The following PSMD1 variants were observed in gnomAD, a reference collection of about 807,000 sequenced individuals.
PSMD1 encodes 26S proteasome non-ATPase regulatory subunit 1.
PSMD1 carries 18 observed loss-of-function variants against 119.0 expected under a neutral mutation model. The observed-to-expected ratio is 0.15, with a 90% confidence interval of 0.10 to 0.22. PSMD1 has a LOEUF of 0.22. Ranked by LOEUF, PSMD1 falls within the 10% of genes least tolerant of loss-of-function variation. The pLI is 1.00. For synonymous variants in PSMD1, 374 were observed against 396.6 expected, an observed-to-expected ratio of 0.94 and a Z score of 0.68; for missense variants, 702 against 1,158.5, an observed-to-expected ratio of 0.61 and a Z score of 5.72.
chr2:231,137,529 T>C (rs1696003486), intron 16 of PSMD1, among the ~76,000 whole-genome samples: 2 of 152,302 alleles, frequency 1.3e-5, no homozygotes, highest in South Asian at 4.1e-4. Context: ...GTTTCTTTTT[T>C]TTCTTTCTTT....
intron 18 of PSMD1, among the ~76,000 whole-genome samples, chr2:231,151,789 C>A (rs986058399): frequency 6.8e-5 from 10 of 146,898 alleles, no homozygotes; most frequent in African/African-American, 2.5e-4. Flanking sequence ...AGAATAAAAG[C>A]GTCAAACATG....
chr2:231,136,389 T>A (rs1574762205), intron 16 of PSMD1, among the ~76,000 whole-genome samples: 2 of 152,262 alleles, frequency 1.3e-5, no homozygotes, highest in Non-Finnish European at 2.9e-5. Context: ...TGAATTTTTT[T>A]AAAGTATGTA....
chr2:231,128,124 T>C (rs560581152), intron 16 of PSMD1, among the ~76,000 whole-genome samples: 1 of 152,356 alleles, frequency 6.6e-6, no homozygotes, highest in Non-Finnish European at 1.5e-5. Flanking sequence ...TCAGTCATAA[T>C]ACCTATTAAA....
intron 16 of PSMD1, among the ~76,000 whole-genome samples, chr2:231,138,396 G>A (rs1244800235): frequency 6.6e-6 from 1 of 152,158 alleles, no homozygotes; most frequent in Admixed American, 6.5e-5. Context: ...AAGTAACCAA[G>A]AAATAGGAAA....
intron 16 of PSMD1, chr2:231,108,821 G>A (rs747959691): frequency 4.3e-6 from 7 of 1,614,042 alleles, no homozygotes; most frequent in Non-Finnish European, 2.5e-6. Context: ...ATTGAAGAGG[G>A]TGTAGACCAA....
In PSMD1 at chr2:231,133,273, C is replaced by T. The variant is rs751003155; in HGVS notation, c.1884-5463C>T. Among the ~76,000 whole-genome samples the T allele has an allele frequency of 4.6e-4, 70 of 152,156 alleles. 1 individual carries two copies. Among genetic ancestry groups the T allele is most frequent in the African/African-American group, 1.6e-3 (65 of 41,524 alleles). On this transcript the variant is annotated intron_variant, in intron 16 of 24. Coordinates refer to ENST00000308696, the MANE Select transcript of PSMD1 (RefSeq NM_002807.4). ...CTAATTTTTGTAGTTTTTGTAGAGA[C>T]GGGGTTTCACCATGTTAGCCAGGCT...
chr2:231,111,896 C>G (rs948175618), intron 16 of PSMD1, among the ~76,000 whole-genome samples: 1 of 152,130 alleles, frequency 6.6e-6, no homozygotes, highest in Non-Finnish European at 1.5e-5. Flanking sequence ...GTCCGCCTTT[C>G]TTGAATGCAA....
In PSMD1 at chr2:231,076,746, C is replaced by T. The variant is rs893483811; in HGVS notation, c.943-288C>T. ...GTTTCTCAATTAAAATATAAATTGA[C>T]TCATTTAATAAAAAGTAATTTTCCT... On this transcript the variant is annotated intron_variant, in intron 8 of 24. Transcript: ENST00000308696. Among the ~76,000 whole-genome samples the T allele has an allele frequency of 4.6e-5, 7 of 152,066 alleles. 1 individual carries two copies. Among genetic ancestry groups the T allele is most frequent in the Non-Finnish European group, 5.9e-5 (4 of 67,998 alleles).
chr2:231,103,624 T>C (rs1377649470), intron 16 of PSMD1, among the ~76,000 whole-genome samples: 1 of 152,218 alleles, frequency 6.6e-6, no homozygotes, highest in Non-Finnish European at 1.5e-5. Flanking sequence ...CTTTTTGTAC[T>C]TTGCAGTTTT....
At chr2:231,101,918 G>A (rs555687318) in intron 16 of PSMD1, among the ~76,000 whole-genome samples, 1 of 152,274 alleles carries the variant, frequency 6.6e-6, no homozygotes, top group African/African-American at 2.4e-5. Context: ...AGCTTATGGA[G>A]CTTGGGTTGA....
intron 16 of PSMD1, among the ~76,000 whole-genome samples, chr2:231,091,964 G>A (rs564036794): frequency 4.9e-4 from 74 of 152,268 alleles, no homozygotes; most frequent in Non-Finnish European, 8.8e-4. Flanking sequence ...GGGGCTTGCA[G>A]GCGTGCAAGA....
In PSMD1 at chr2:231,072,253, A is replaced by G; in HGVS notation, c.719A>G (p.Asp240Gly). 6.2e-7 allele frequency: 1 copy of G among 1,613,990 alleles called. No individual in the cohort carries two copies. Among genetic ancestry groups the G allele is most frequent in the African/African-American group, 1.3e-5 (1 of 75,052 alleles). Residue 240 changes from aspartate to glycine, a missense_variant, in exon 7 of 25, where the codon GAC becomes GGC. This residue lies in a region of PSMD1 where 32 missense variants were observed against 77.1 expected (regional missense o/e 0.42). Coordinates refer to ENST00000308696, the MANE Select transcript of PSMD1 (RefSeq NM_002807.4). Reference sequence around the variant, plus strand: ...ATCTTAGAGAAACTGGTAAAGGAAGACAACCTCCTGATGGCATATCAGATT... The same window carrying G: ...ATCTTAGAGAAACTGGTAAAGGAAGGCAACCTCCTGATGGCATATCAGATT... ...SDILEKLVKE[D>G]NLLMAYQICF... is the part of the protein sequence containing the mutation.
At chr2:231,123,583 A>G in intron 16 of PSMD1, 1 of 1,614,154 alleles carries the variant, frequency 6.2e-7, no homozygotes, top group Non-Finnish European at 8.5e-7. Flanking sequence ...CACCATGAGT[A>G]TCAGAAGAGC....
intron 16 of PSMD1, among the ~76,000 whole-genome samples, chr2:231,116,038 G>C (rs560404677): frequency 6.6e-6 from 1 of 152,252 alleles, no homozygotes; most frequent in Non-Finnish European, 1.5e-5. Flanking sequence ...ATGTCTCATG[G>C]AAAGGAACTA....
intron 16 of PSMD1, among the ~76,000 whole-genome samples, chr2:231,103,315 A>T (rs997212675): frequency 3.0e-4 from 46 of 152,206 alleles, no homozygotes; most frequent in African/African-American, 1.0e-3. Context: ...CAACTTTTTC[A>T]TAAAGACTCT....
chr2:231,145,747 GC>G, intron 17 of PSMD1, among the ~76,000 whole-genome samples: 2 of 151,874 alleles, frequency 1.3e-5, no homozygotes, highest in South Asian at 4.2e-4. Context: ...ACAAAAATTA[GC>G]CGGGGGTGGT....
rs940095166 is a variant in PSMD1, at chr2:231,109,338, G to A, written c.1883+22157G>A. On this transcript the variant is annotated intron_variant, in intron 16 of 24. Transcript: ENST00000308696. ...AAATCGCCAAAACGTTCCTTTGTCA[G>A]CACACAAGTGATATTGTTTGGGTTG... The A allele has an allele frequency of 6.2e-6, 10 of 1,613,868 alleles. No homozygotes were observed. The African/African-American group carries it at 9.3e-5, about 15-fold the overall frequency.
chr2:231,082,736 C>G (rs1013716379), intron 12 of PSMD1, 147 bp from the exon 13 acceptor site: 20 of 609,362 alleles, frequency 3.3e-5, no homozygotes, highest in African/African-American at 7.5e-5. Flanking sequence ...GAGTTTATCA[C>G]TGACCTTTTG....
intron 16 of PSMD1, among the ~76,000 whole-genome samples, chr2:231,093,293 A>C (rs1694644682): frequency 6.6e-6 from 1 of 152,220 alleles, no homozygotes; most frequent in Admixed American, 6.5e-5. Context: ...TGTACAACAG[A>C]AGGCATAGCA....
Sources: gnomAD v4.1 joint callset for allele counts (sites outside exome capture counted in the v4.1 genomes callset) on GRCh38, gnomAD v4.1.1 for gene constraint, gnomAD v4.1.1 regional missense constraint, MANE v1.5 for transcripts, NCBI Gene and HGNC (gene_info 2026-07-23, HGNC 2026-07-21) for gene names.